Variants in NELL1 observed in about 807,000 individuals in gnomAD.
NELL1 encodes the protein protein kinase C-binding protein NELL1.
In NELL1, 76 loss-of-function variants were observed where a neutral mutation model predicts 107.4. That is an observed-to-expected ratio of 0.71 (90% CI 0.59 to 0.86). The LOEUF is 0.86. Ranked by LOEUF, NELL1 falls within the 40% of genes least tolerant of loss-of-function variation. The pLI is 0.00. For missense variants in NELL1, 1,024 were observed against 1,005.5 expected, an observed-to-expected ratio of 1.02 and a Z score of -0.25; for synonymous variants, 353 against 341.2, an observed-to-expected ratio of 1.03 and a Z score of -0.38.
At chr11:21,234,492 GT>G (rs1248222815) in intron 14 of NELL1, among the ~76,000 whole-genome samples, 1 of 152,156 alleles carries the variant, frequency 6.6e-6, no homozygotes, top group East Asian at 1.9e-4. Flanking sequence ...GTTGAATCAA[GT>G]ATCTCCCCTT....
chr11:21,108,399 C>A (rs1855021630), intron 12 of NELL1, among the ~76,000 whole-genome samples: 3 of 152,056 alleles, frequency 2.0e-5, no homozygotes, highest in Non-Finnish European at 2.9e-5. Flanking sequence ...ATAAGTACAC[C>A]TTTTAAAACA....
chr11:20,842,154 A>T (rs2134050860), intron 3 of NELL1, among the ~76,000 whole-genome samples: 1 of 152,240 alleles, frequency 6.6e-6, no homozygotes, highest in East Asian at 1.9e-4. Flanking sequence ...AGGTGGGCGG[A>T]TCACTTGAGG....
chr11:21,294,964 T>C (rs1849343836), intron 14 of NELL1, among the ~76,000 whole-genome samples: 1 of 152,110 alleles, frequency 6.6e-6, no homozygotes, highest in Admixed American at 6.6e-5. Context: ...AACTACTACA[T>C]AGCTGAGACA....
At chr11:20,822,182 T>G (rs573426623) in intron 3 of NELL1, among the ~76,000 whole-genome samples, 1 of 152,206 alleles carries the variant, frequency 6.6e-6, no homozygotes, top group South Asian at 2.1e-4. Context: ...GGCAAAATAG[T>G]AGGTTGGAAA....
chr11:20,975,269 G>T (rs1171000262), intron 12 of NELL1, among the ~76,000 whole-genome samples: 1 of 151,704 alleles, frequency 6.6e-6, no homozygotes, highest in Non-Finnish European at 1.5e-5. Flanking sequence ...ACCCTCCTTG[G>T]TCTCCCAAAG....
At chr11:21,030,385 C>T (rs1852923784) in intron 12 of NELL1, among the ~76,000 whole-genome samples, 1 of 152,174 alleles carries the variant, frequency 6.6e-6, no homozygotes, top group Non-Finnish European at 1.5e-5. Flanking sequence ...CATGAAATGT[C>T]TTGGCTGAGG....
intron 5 of NELL1, among the ~76,000 whole-genome samples, chr11:20,905,957 A>G (rs1849988582): frequency 6.6e-6 from 1 of 152,164 alleles, no homozygotes; most frequent in African/African-American, 2.4e-5. Flanking sequence ...TAAGTAAGAT[A>G]AACTCAAAGG....
At chr11:20,816,817 C>T (rs968818124) in intron 3 of NELL1, among the ~76,000 whole-genome samples, 1 of 151,906 alleles carries the variant, frequency 6.6e-6, no homozygotes, top group Admixed American at 6.6e-5. Flanking sequence ...ATATTTTTTT[C>T]CATGTCTAGC....
intron 12 of NELL1, among the ~76,000 whole-genome samples, chr11:21,046,654 A>G (rs1275952381): frequency 6.6e-6 from 1 of 151,734 alleles, no homozygotes; most frequent in East Asian, 1.9e-4. Flanking sequence ...GGCCAAATGC[A>G]GCTTTGCCCA....
At chr11:20,933,869 T>C (rs375797523) in intron 9 of NELL1, among the ~76,000 whole-genome samples, 112 of 152,348 alleles carry the variant, frequency 7.4e-4, no homozygotes, top group African/African-American at 2.7e-3. Context: ...TAACTCTTTA[T>C]ATCCTCAGTA....
chr11:21,028,240 C>T (rs79774351), intron 12 of NELL1, among the ~76,000 whole-genome samples: 6,899 of 152,118 alleles, frequency 0.045, 204 homozygotes, highest in Non-Finnish European at 0.062. Context: ...GAGAAAATAG[C>T]ACATCAGCAT....
Position 21,534,552 on chromosome 11 carries a change from C to T in NELL1, c.1786+38C>T, listed in dbSNP as rs1215076214. 1.9e-6 allele frequency: 3 copies of T among 1,609,114 alleles called. No homozygotes were observed. In the Admixed American group the frequency reaches 5.0e-5, roughly 27 times the overall value. ...CAGGCATGCCCTCCAACTGCTTGGA[C>T]CTTTGCAGGAGGTGTGGCTTGCTTT... On this transcript the variant is annotated intron_variant, in intron 16 of 19. Transcript: ENST00000357134.
intron 13 of NELL1, among the ~76,000 whole-genome samples, chr11:21,120,340 A>G (rs574074368): frequency 6.6e-6 from 1 of 152,246 alleles, no homozygotes; most frequent in East Asian, 1.9e-4. Context: ...TTTTATTATA[A>G]TTTTGGTCAA....
chr11:21,482,833 A>G (rs964602510), intron 15 of NELL1, among the ~76,000 whole-genome samples: 4 of 152,110 alleles, frequency 2.6e-5, no homozygotes, highest in Non-Finnish European at 5.9e-5. Context: ...CCCCCCAAGG[A>G]ACATGGTATT....
chr11:20,870,728 A>G (rs1285449824), intron 4 of NELL1, among the ~76,000 whole-genome samples: 1 of 152,366 alleles, frequency 6.6e-6, no homozygotes, highest in African/African-American at 2.4e-5. Context: ...TTACTATTGA[A>G]TGCCTCACAT....
chr11:20,680,558 A>T (rs1854165987), intron 2 of NELL1, among the ~76,000 whole-genome samples: 1 of 152,160 alleles, frequency 6.6e-6, no homozygotes, highest in African/African-American at 2.4e-5. Context: ...CAGGCATAAG[A>T]TACCAGTTAT....
At chr11:21,571,230 T>G (rs1042187369) in intron 18 of NELL1, among the ~76,000 whole-genome samples, 2 of 151,886 alleles carry the variant, frequency 1.3e-5, no homozygotes, top group African/African-American at 4.8e-5. Context: ...GAAAGGAAGC[T>G]TTCAAAACCT....
intron 14 of NELL1, among the ~76,000 whole-genome samples, chr11:21,349,402 C>G (rs2133717421): frequency 6.6e-6 from 1 of 152,244 alleles, no homozygotes; most frequent in South Asian, 2.1e-4. Flanking sequence ...TTAGTTTTAT[C>G]AGCATGAAAA....
chr11:21,432,868 C>T (rs1853001355), intron 15 of NELL1, among the ~76,000 whole-genome samples: 1 of 152,022 alleles, frequency 6.6e-6, no homozygotes, highest in Middle Eastern at 3.2e-3. Context: ...TGTGAACATT[C>T]AAAATTCTGT....
Sources: allele counts gnomAD v4.1 joint callset (sites outside exome capture counted in the v4.1 genomes callset), GRCh38; gene constraint gnomAD v4.1.1; transcripts MANE v1.5; gene names NCBI Gene and HGNC (gene_info 2026-07-23, HGNC 2026-07-21).